Variants in SMOC1 observed in about 807,000 individuals in gnomAD.
SMOC1 encodes the protein SPARC related modular calcium binding 1, also known as SPARC-related modular calcium-binding protein 1.
A neutral mutation model predicts 56.3 loss-of-function variants in SMOC1; 22 were observed. That is an observed-to-expected ratio of 0.39 (90% CI 0.28 to 0.56). The LOEUF is 0.56. SMOC1 is among the 20% of genes least tolerant of loss of function. The pLI is 0.61. For missense variants in SMOC1, 509 were observed against 565.4 expected (o/e 0.90, Z 1.01); for synonymous variants, 193 against 215.0 (o/e 0.90, Z 0.89).
In SMOC1 at chr14:69,978,007, A is replaced by G. The variant is rs780394392; in HGVS notation, c.526+42A>G. The G allele has an allele frequency of 1.3e-5, 20 of 1,551,478 alleles. No individual in the cohort carries two copies. In the East Asian group the frequency reaches 3.8e-4, roughly 30 times the overall value. The stretch of plus-strand genomic sequence containing the variant: ...GCTTTATCTAAATGTTTGCTTCCAA[A>G]GGTGGTCCAAGCAGGATTTCTTAGA... On this transcript the variant is annotated intron_variant, in intron 5 of 11. Coordinates refer to ENST00000361956, the MANE Select transcript of SMOC1 (RefSeq NM_001034852.3).
chr14:69,897,045 G>T (rs767910352), intron 1 of SMOC1, among the ~76,000 whole-genome samples: 3 of 152,202 alleles, frequency 2.0e-5, no homozygotes, highest in African/African-American at 4.8e-5. Context: ...TGATTTCTGG[G>T]ATCAGGGGTC....
At chr14:69,960,939 A>G (rs1327331489) in intron 3 of SMOC1, among the ~76,000 whole-genome samples, 2 of 152,126 alleles carry the variant, frequency 1.3e-5, no homozygotes, top group African/African-American at 4.8e-5. Flanking sequence ...AAAAGTTACC[A>G]TTTTAAAATA....
At chr14:69,905,224 G>A (rs192395902) in intron 1 of SMOC1, among the ~76,000 whole-genome samples, 158 of 152,206 alleles carry the variant, frequency 1.0e-3, no homozygotes, top group African/African-American at 3.2e-3. Context: ...AAGCAGTCCC[G>A]CCTGATGTAG....
At chr14:69,953,212 A>G (rs1211254295) in intron 2 of SMOC1, among the ~76,000 whole-genome samples, 19 of 152,178 alleles carry the variant, frequency 1.2e-4, no homozygotes, top group Admixed American at 1.2e-3. Context: ...AACTTGGGAT[A>G]AACACGAATC....
At chr14:69,961,944 C>T (rs1883398590) in intron 3 of SMOC1, among the ~76,000 whole-genome samples, 1 of 152,098 alleles carries the variant, frequency 6.6e-6, no homozygotes, top group African/African-American at 2.4e-5. Flanking sequence ...TTATTAGTAT[C>T]TTTTCTAGTG....
At chr14:69,924,411 C>T (rs566815366) in intron 1 of SMOC1, among the ~76,000 whole-genome samples, 14 of 152,236 alleles carry the variant, frequency 9.2e-5, no homozygotes, top group African/African-American at 3.1e-4. Flanking sequence ...CTATACTTCC[C>T]ATTCCTTTTG....
At chr14:69,929,359 A>G (rs1240278717) in intron 1 of SMOC1, among the ~76,000 whole-genome samples, 1 of 152,178 alleles carries the variant, frequency 6.6e-6, no homozygotes, top group East Asian at 1.9e-4. Context: ...GCATCATCTC[A>G]CTATTCCTCA....
intron 1 of SMOC1, among the ~76,000 whole-genome samples, chr14:69,930,190 TCCCCTGACAGCACCCTTCTCACC>T (rs1468659273): frequency 2.6e-4 from 38 of 148,646 alleles, no homozygotes; most frequent in African/African-American, 8.4e-4. Context: ...CCCTTCCCAC[TCCCCTGACAGCACCCTTCTCACC>T]CCCCTGACAG....
chr14:69,948,144 G>A (rs548818483), intron 1 of SMOC1, among the ~76,000 whole-genome samples: 1 of 152,228 alleles, frequency 6.6e-6, no homozygotes, highest in Non-Finnish European at 1.5e-5. Context: ...TGGACACAGA[G>A]TAATCCCTTT....
chr14:70,030,377 C>A lies in SMOC1; in HGVS notation c.*119C>A. 1 of 1,307,682 alleles carries A rather than the reference C, an allele frequency of 7.6e-7. No individual in the cohort carries two copies. The highest frequency in any genetic ancestry group is 1.3e-5 in the South Asian group (1 of 77,752). The allele number at this position is 1,307,682 out of a possible 1,614,324, so 81.0% of individuals were successfully genotyped here. ...TCCCGTGTAACATAAGTGGTGCCCA[C>A]CATGTTTGCACTTTTAATAACTCTT... On this transcript the variant is annotated 3_prime_UTR_variant, in exon 12 of 12. Transcript: ENST00000361956.
rs561306881 is a variant in SMOC1 at position 69,994,298 on chromosome 14, C to T, written c.584-102C>T. On this transcript the variant is annotated intron_variant, in intron 6 of 11. Transcript: ENST00000361956. The stretch of plus-strand genomic sequence containing the variant: ...GTGGGAGAGAGCTGAAGCCTCAATG[C>T]CTCAGACTTTGAAAAATGACTATTA... 1.6e-4 allele frequency: 144 copies of T among 923,416 alleles called. No homozygotes were observed. In the East Asian group the frequency reaches 3.3e-3, roughly 21 times the overall value. The allele number at this position is 923,416 out of a possible 1,614,324, so 57.2% of individuals were successfully genotyped here.
At chr14:70,003,544 C>T (rs983477024) in intron 7 of SMOC1, among the ~76,000 whole-genome samples, 2 of 152,170 alleles carry the variant, frequency 1.3e-5, no homozygotes, top group African/African-American at 4.8e-5. Flanking sequence ...AATGGGGACT[C>T]AAGCAATAGA....
chr14:69,921,203 A>C (rs1384446303), intron 1 of SMOC1, among the ~76,000 whole-genome samples: 2 of 152,150 alleles, frequency 1.3e-5, no homozygotes, highest in Non-Finnish European at 2.9e-5. Context: ...GGTCAGAGTG[A>C]GCTAGACTCC....
At chr14:70,023,164 T>C (rs764321562) in intron 10 of SMOC1, 39 bp from the exon 11 acceptor site, 1 of 1,613,606 alleles carries the variant, frequency 6.2e-7, no homozygotes, top group South Asian at 1.1e-5. Flanking sequence ...AGATCCTGAT[T>C]GGTGTTCTCT....
chr14:69,967,691 A>G (rs1433001176), intron 3 of SMOC1, among the ~76,000 whole-genome samples: 1 of 152,216 alleles, frequency 6.6e-6, no homozygotes, highest in Non-Finnish European at 1.5e-5. Context: ...TTGTCTTCTT[A>G]ATAATCTTCA....
chr14:69,965,248 G>T (rs1468245619), intron 3 of SMOC1, among the ~76,000 whole-genome samples: 3 of 152,002 alleles, frequency 2.0e-5, no homozygotes, highest in Admixed American at 6.5e-5. Flanking sequence ...AGGTGTGGTG[G>T]TACATGCCTG....
chr14:69,914,548 G>A (rs1362163870), intron 1 of SMOC1, among the ~76,000 whole-genome samples: 2 of 151,720 alleles, frequency 1.3e-5, no homozygotes, highest in South Asian at 2.1e-4. Context: ...ACACCCACAC[G>A]ATCAGAAGTG....
intron 1 of SMOC1, among the ~76,000 whole-genome samples, chr14:69,893,767 C>T (rs1566663386): frequency 6.6e-6 from 1 of 152,156 alleles, no homozygotes; most frequent in Non-Finnish European, 1.5e-5. Context: ...ATTCTATCTC[C>T]TTCAAATTCA....
rs763226665 is a variant in SMOC1 at position 69,953,600 on chromosome 14, G to A, written c.378+68G>A. The A allele has an allele frequency of 3.1e-5, 42 of 1,337,734 alleles. No individual in the cohort carries two copies. In the East Asian group the frequency reaches 4.4e-4, roughly 14 times the overall value. 82.9% of individuals were successfully genotyped at this position (1,337,734 alleles called of 1,614,324 possible). A position where few individuals can be genotyped will look rare whatever the true frequency, so the allele number is the denominator to read the frequency against. On this transcript the variant is annotated intron_variant, in intron 3 of 11. Transcript: ENST00000361956. ...GGCAGAGGGGAGGTGTCCCGAGAGC[G>A]CGAGGGCTGCTTGGCGCCTTCACTT...
Sources: gnomAD v4.1 joint callset for allele counts (sites outside exome capture counted in the v4.1 genomes callset) on GRCh38, gnomAD v4.1.1 for gene constraint, MANE v1.5 for transcripts, NCBI Gene and HGNC (gene_info 2026-07-23, HGNC 2026-07-21) for gene names.